The following DVL1 variants were observed in gnomAD, a reference collection of about 807,000 sequenced individuals.
DVL1 encodes the protein dishevelled segment polarity protein 1, also known as segment polarity protein dishevelled homolog DVL-1.
Under a neutral mutation model 65.0 loss-of-function variants are expected in DVL1, and 49 were observed. That is an observed-to-expected ratio of 0.75 (90% CI 0.60 to 0.96). The LOEUF (loss-of-function observed/expected upper bound fraction) is 0.96, where lower values mean the gene tolerates loss of function less well. Ranked by LOEUF, DVL1 falls within the 40% of genes least tolerant of loss-of-function variation. The probability of loss-of-function intolerance (pLI) is 0.00; values close to 1 mark genes in which losing one functional copy is unlikely to be tolerated. For synonymous variants in DVL1, 608 were observed against 433.9 expected (o/e 1.40, Z -4.99); for missense variants, 1,197 against 1,045.4 (o/e 1.15, Z -2.00).
chr1:1,346,020 G>A (rs1643909949), intron 1 of DVL1, among the ~76,000 whole-genome samples: 1 of 152,168 alleles, frequency 6.6e-6, no homozygotes, highest in Non-Finnish European at 1.5e-5. Context: ...GCTAGGCCAT[G>A]GCTATGAGTG....
rs141682898 is a variant in DVL1 at position 1,341,687 on chromosome 1, G to T, written c.585C>A (p.Asp195Glu). ...CACACCTGCTCGTGCTGCCATCCTCGTCCGAGTCCACAAAGCTGCTGGACT... is the reference window on the plus strand; with the variant it reads ...CACACCTGCTCGTGCTGCCATCCTCTTCCGAGTCCACAAAGCTGCTGGACT... ...ELESSSFVDS[D>E]EDGSTSRLSS... The change falls in exon 5 of 15, where the codon GAC becomes GAA. Residue 195 changes from aspartate (D) to glutamate (E), a missense_variant. Physicochemically the swap from Asp to Glu is conservative, Grantham distance 45. Coordinates refer to ENST00000378888, the MANE Select transcript of DVL1 (RefSeq NM_001330311.2). 3 of 1,608,772 alleles carry T rather than the reference G, an allele frequency of 1.9e-6. No individual in the cohort carries two copies. The highest frequency in any genetic ancestry group is 3.3e-4 in the Middle Eastern group (2 of 6,046).
chr1:1,347,003 C>T lies in DVL1; in HGVS notation c.170+1893G>A, dbSNP rs1015201697. On this transcript the variant is annotated intron_variant, in intron 1 of 14. Coordinates refer to ENST00000378888, the MANE Select transcript of DVL1 (RefSeq NM_001330311.2). ...TGCTGAGAGGTCTGCGGGTAGAACTCAGGGGAAGGGATGAAGGAAGTAATT... is the reference window on the plus strand; with the variant it reads ...TGCTGAGAGGTCTGCGGGTAGAACTTAGGGGAAGGGATGAAGGAAGTAATT... Among the ~76,000 whole-genome samples, 6 of 152,188 alleles carry T rather than the reference C, an allele frequency of 3.9e-5. No homozygotes were observed. In the South Asian group the frequency reaches 1.0e-3, roughly 26 times the overall value.
Position 1,339,808 on chromosome 1 carries a change from T to C in DVL1, c.914A>G (p.Asn305Ser). The part of the protein sequence containing the change: ...IEPGDMLLQV[N>S]DVNFENMSND... ...GCTCATGTTCTCAAAGTTCACGTCA[T>C]TCACCTGCAGGGGTGGGGATTAGGG... The change falls in exon 9 of 15, where the codon AAT becomes AGT. Residue 305 changes from asparagine (N) to serine (S), a missense_variant. Coordinates refer to ENST00000378888, the MANE Select transcript of DVL1 (RefSeq NM_001330311.2). 6.2e-7 allele frequency: 1 copy of C among 1,609,572 alleles called. No homozygotes were observed. The highest frequency in any genetic ancestry group is 8.5e-7 in the Non-Finnish European group (1 of 1,179,856).
chr1:1,340,496 T>C lies in DVL1; in HGVS notation c.613A>G (p.Ser205Gly), dbSNP rs1380913811. The C allele has an allele frequency of 6.2e-7, 1 of 1,603,732 alleles. No individual in the cohort carries two copies. Among genetic ancestry groups the C allele is most frequent in the South Asian group, 1.1e-5 (1 of 89,410 alleles). Residue 205 changes from serine to glycine, a missense_variant, in exon 6 of 15, where the codon AGC becomes GGC. Ser to Gly is a moderately conservative substitution (Grantham distance 56). Transcript: ENST00000378888. Reference sequence around the variant, plus strand: ...GATGAGGTGCTCTGCTCCGTGGAGCTGCTGAGCCTGGGAACAGACTGTCAG... The same window carrying C: ...GATGAGGTGCTCTGCTCCGTGGAGCCGCTGAGCCTGGGAACAGACTGTCAG... ...DEDGSTSRLS[S>G]STEQSTSSRL... is the part of the protein sequence containing the mutation.
intron 1 of DVL1, among the ~76,000 whole-genome samples, chr1:1,348,038 G>C (rs143353318): frequency 0.01 from 1,533 of 152,330 alleles, 9 homozygotes; most frequent in Non-Finnish European, 0.014. Flanking sequence ...GACACCGCTT[G>C]CCGGAGGCTC....
Position 1,339,817 on chromosome 1 carries a change from A to G in DVL1, c.910-5T>C, listed in dbSNP as rs760358605. On this transcript the variant is annotated splice_region_variant and splice_polypyrimidine_tract_variant and intron_variant, in intron 8 of 14. Transcript: ENST00000378888. Reference sequence around the variant, plus strand: ...CTCAAAGTTCACGTCATTCACCTGCAGGGGTGGGGATTAGGGTGGTGCAGG... The same window carrying G: ...CTCAAAGTTCACGTCATTCACCTGCGGGGGTGGGGATTAGGGTGGTGCAGG... 6 of 1,606,994 alleles carry G rather than the reference A, an allele frequency of 3.7e-6. No individual in the cohort carries two copies. The South Asian group carries it at 4.4e-5, about 12-fold the overall frequency.
Position 1,341,666 on chromosome 1 carries a change from CCTG to C in DVL1, c.603_605del (p.Ser201del), listed in dbSNP as rs1643835431. 2.5e-6 allele frequency: 4 copies of C among 1,602,496 alleles called. No individual in the cohort carries two copies. Among genetic ancestry groups the C allele is most frequent in the Non-Finnish European group, 3.4e-6 (4 of 1,171,596 alleles). On this transcript the variant is annotated inframe_deletion and splice_region_variant, in exon 5 of 15. Coordinates refer to ENST00000378888, the MANE Select transcript of DVL1 (RefSeq NM_001330311.2). The stretch of plus-strand genomic sequence containing the variant: ...ACACGCCCACAGACACTCCCACACA[CCTG>C]CTCGTGCTGCCATCCTCGTCCGAGT...
At chr1:1,337,654 G>A (rs1643622736) in intron 14 of DVL1, 1 of 508,466 alleles carries the variant, frequency 2.0e-6, no homozygotes, top group Non-Finnish European at 3.6e-6. Context: ...GGCTCCTGGA[G>A]GCCCCTCATC....
At chr1:1,340,544 G>A (rs1366834203) in intron 5 of DVL1, 41 bp from the exon 6 acceptor site, 1 of 1,558,990 alleles carries the variant, frequency 6.4e-7, no homozygotes. Flanking sequence ...CTGGAGACAT[G>A]GGTAGGGGGG....
chr1:1,338,964 T>G (rs1235222707), intron 11 of DVL1, among the ~76,000 whole-genome samples: 1 of 152,166 alleles, frequency 6.6e-6, no homozygotes, highest in East Asian at 1.9e-4. Context: ...CCTCCCCGCA[T>G]GCCCCACCCG....
chr1:1,338,580 C>A lies in DVL1; in HGVS notation c.1281G>T (p.Ser427=). The change falls in exon 12 of 15, where the codon TCG becomes TCT. Residue 427 remains serine, a synonymous_variant. Coordinates refer to ENST00000378888, the MANE Select transcript of DVL1 (RefSeq NM_001330311.2). Reference sequence around the variant, plus strand: ...ACATGCGGTCGCGGATCTCCAGTCCCGAGTCTGGCAGCTGCATGACCCGGA... The same window carrying A: ...ACATGCGGTCGCGGATCTCCAGTCCAGAGTCTGGCAGCTGCATGACCCGGA... ...AVVRVMQLPD[S]GLEIRDRMWL... is the part of the protein sequence containing the mutation. 1 of 1,612,482 alleles carries A rather than the reference C, an allele frequency of 6.2e-7. No homozygotes were observed. The highest frequency in any genetic ancestry group is 8.5e-7 in the Non-Finnish European group (1 of 1,179,866).
Position 1,342,908 on chromosome 1 carries a change from T to C in DVL1, c.171-150A>G, listed in dbSNP as rs560445659. ...CGCATTCTCCTCTTGGGAACCGTCC[T>C]TCCTCTCCGTCACATCCTGGGCCCC... On this transcript the variant is annotated intron_variant, in intron 1 of 14. Transcript: ENST00000378888. 2.4e-4 allele frequency: 173 copies of C among 709,308 alleles called. No individual in the cohort carries two copies. The African/African-American group carries it at 2.9e-3, about 12-fold the overall frequency. The allele number at this position is 709,308 out of a possible 1,614,324, so 43.9% of individuals were successfully genotyped here. A position where few individuals can be genotyped will look rare whatever the true frequency, so the allele number is the denominator to read the frequency against.
At position 1,342,106 on chromosome 1, in the gene DVL1, T is replaced by C; in HGVS notation, c.413A>G (p.Glu138Gly). ...CTCCCGCCGGTGACTGACCATGGAC[T>C]CCGTGCCTGTCTCGTTGTCCATCCC... Reference protein sequence around the residue: ...RDGMDNETGTESMVSHRRERA... With the variant: ...RDGMDNETGTGSMVSHRRERA... The change falls in exon 4 of 15, where the codon GAG (glutamate) becomes GGG (glycine). Residue 138 changes from glutamate to glycine, a missense_variant. By Grantham distance (98) the Glu-to-Gly change is moderately conservative (BLOSUM62 -2). Coordinates refer to ENST00000378888, the MANE Select transcript of DVL1 (RefSeq NM_001330311.2). 6.3e-7 allele frequency: 1 copy of C among 1,595,038 alleles called. No individual in the cohort carries two copies. Among genetic ancestry groups the C allele is most frequent in the Non-Finnish European group, 8.5e-7 (1 of 1,172,126 alleles).
rs753271737 is a variant in DVL1, at chr1:1,340,282, ATGG to A, written c.731_733del (p.Thr244del). ...CGTGACAGTGACGATGTTGAGGGACATGGTGGAGTCGGTTATGCTGCTGAAGGA... is the reference window on the plus strand; with the variant it reads ...CGTGACAGTGACGATGTTGAGGGACATGGAGTCGGTTATGCTGCTGAAGGA... On this transcript the variant is annotated inframe_deletion, in exon 7 of 15. Coordinates refer to ENST00000378888, the MANE Select transcript of DVL1 (RefSeq NM_001330311.2). The A allele has an allele frequency of 5.0e-6, 8 of 1,614,024 alleles. No individual in the cohort carries two copies. The highest frequency in any genetic ancestry group is 6.8e-6 in the Non-Finnish European group (8 of 1,179,998).
In DVL1 at chr1:1,340,505, TG is replaced by T. The variant is rs1311348457; in HGVS notation, c.606-3del. 2.5e-6 allele frequency: 4 copies of T among 1,599,830 alleles called. No individual in the cohort carries two copies. Among genetic ancestry groups the T allele is most frequent in the Non-Finnish European group, 8.5e-7 (1 of 1,173,562 alleles). ...CTCTGCTCCGTGGAGCTGCTGAGCCTGGGAACAGACTGTCAGAGCTCAGAGG... is the reference window on the plus strand; with the variant it reads ...CTCTGCTCCGTGGAGCTGCTGAGCCTGGAACAGACTGTCAGAGCTCAGAGG... On this transcript the variant is annotated splice_polypyrimidine_tract_variant and splice_region_variant and intron_variant, in intron 5 of 14. Coordinates refer to ENST00000378888, the MANE Select transcript of DVL1 (RefSeq NM_001330311.2).
At chr1:1,339,083 G>T (rs766618290) in intron 11 of DVL1, among the ~76,000 whole-genome samples, 5 of 151,526 alleles carry the variant, frequency 3.3e-5, no homozygotes, top group Non-Finnish European at 5.9e-5. Flanking sequence ...TACATCCCCT[G>T]TTCCCAACAC....
At position 1,336,106 on chromosome 1, in the gene DVL1, C is replaced by T. The variant is rs761603875; in HGVS notation, c.*36G>A. 30 of 1,560,068 alleles carry T rather than the reference C, an allele frequency of 1.9e-5. No homozygotes were observed. Among genetic ancestry groups the T allele is most frequent in the South Asian group, 1.2e-5 (1 of 86,184 alleles). Reference sequence around the variant, plus strand: ...TCTGCATGCGGCAGGACCGCCAGCTCCCCACCTCAGGCAGGGCTGGGGCAT... The same window carrying T: ...TCTGCATGCGGCAGGACCGCCAGCTTCCCACCTCAGGCAGGGCTGGGGCAT... On this transcript the variant is annotated 3_prime_UTR_variant, in exon 15 of 15. Coordinates refer to ENST00000378888, the MANE Select transcript of DVL1 (RefSeq NM_001330311.2).
At chr1:1,342,965 G>A (rs1411262055) in intron 1 of DVL1, among the ~76,000 whole-genome samples, 3 of 148,158 alleles carry the variant, frequency 2.0e-5, no homozygotes, top group African/African-American at 5.0e-5. Flanking sequence ...GTCACTCTGC[G>A]GACACCCCTG....
chr1:1,337,962 G>T lies in DVL1; in HGVS notation c.1714+15C>A. On this transcript the variant is annotated intron_variant, in intron 14 of 14. Transcript: ENST00000378888. ...GGCGGAGCCGGGGAAGGGCAGGTAGGGGCGGCGTTCTCACCTTCACTCTGC... is the reference window on the plus strand; with the variant it reads ...GGCGGAGCCGGGGAAGGGCAGGTAGTGGCGGCGTTCTCACCTTCACTCTGC... 6.2e-7 allele frequency: 1 copy of T among 1,607,210 alleles called. No individual in the cohort carries two copies. Among genetic ancestry groups the T allele is most frequent in the Non-Finnish European group, 8.5e-7 (1 of 1,176,958 alleles).
Sources: gnomAD v4.1 joint callset for allele counts (sites outside exome capture counted in the v4.1 genomes callset) on GRCh38, gnomAD v4.1.1 for gene constraint, MANE v1.5 for transcripts, NCBI Gene and HGNC (gene_info 2026-07-23, HGNC 2026-07-21) for gene names.